KLHL32: variants seen among roughly 807,000 people sequenced by gnomAD.
The protein encoded by KLHL32 is kelch-like protein 32.
KLHL32 carries 35 observed loss-of-function variants against 64.8 expected under a neutral mutation model. That is an observed-to-expected ratio of 0.54 (90% confidence interval 0.41 to 0.72). KLHL32 has a LOEUF of 0.72. KLHL32 is among the 30% of genes least tolerant of loss of function. KLHL32 has a pLI of 0.00. For missense variants in KLHL32, 589 were observed against 768.5 expected, an observed-to-expected ratio of 0.77 and a Z score of 2.76; for synonymous variants, 259 against 281.0, an observed-to-expected ratio of 0.92 and a Z score of 0.78.
intron 3 of KLHL32, among the ~76,000 whole-genome samples, chr6:97,039,514 T>C (rs1378152794): frequency 6.9e-6 from 1 of 145,580 alleles, no homozygotes; most frequent in African/African-American, 2.7e-5. Context: ...AGTAATCTAT[T>C]GTACACTTGA....
chr6:97,113,713 C>T, intron 6 of KLHL32, 70 bp from the exon 7 acceptor site: 2 of 1,547,262 alleles, frequency 1.3e-6, no homozygotes, highest in Non-Finnish European at 1.8e-6. Flanking sequence ...GGTAACCTAC[C>T]TATATGCTGT....
chr6:96,953,104 T>C (rs1469633160), intron 1 of KLHL32, among the ~76,000 whole-genome samples: 1 of 152,158 alleles, frequency 6.6e-6, no homozygotes, highest in African/African-American at 2.4e-5. Context: ...TTAAACTCTT[T>C]CTCTACCACA....
chr6:97,097,664 A>T (rs1358593060), intron 6 of KLHL32, among the ~76,000 whole-genome samples: 1 of 152,092 alleles, frequency 6.6e-6, no homozygotes, highest in Non-Finnish European at 1.5e-5. Flanking sequence ...ATGGAGCTCA[A>T]AGGCACAACA....
the KLHL32 span, among the ~76,000 whole-genome samples, chr6:96,913,012 A>G: frequency 1.3e-5 from 2 of 152,232 alleles, no homozygotes; most frequent in Non-Finnish European, 2.9e-5. Context: ...ATATAGATGC[A>G]AAATTATTTC....
intron 3 of KLHL32, among the ~76,000 whole-genome samples, chr6:96,991,055 AG>A (rs1182613558): frequency 1.3e-5 from 2 of 151,958 alleles, no homozygotes; most frequent in Admixed American, 6.5e-5. Flanking sequence ...GGTGAAGCGC[AG>A]GGGGTCAAGG....
intron 3 of KLHL32, among the ~76,000 whole-genome samples, chr6:96,987,647 C>G (rs1777280980): frequency 6.6e-6 from 1 of 152,174 alleles, no homozygotes; most frequent in Non-Finnish European, 1.5e-5. Context: ...ATTGCCAAAA[C>G]AATCCTAAGC....
chr6:97,137,084 G>A (rs961230390), intron 10 of KLHL32, among the ~76,000 whole-genome samples: 3 of 152,082 alleles, frequency 2.0e-5, no homozygotes, highest in Non-Finnish European at 4.4e-5. Context: ...AATACTAAAT[G>A]ACCTCTGATT....
rs1424927325 is a variant in KLHL32, at chr6:97,114,273, C to G, written c.1118C>G (p.Pro373Arg). The part of the protein sequence containing the change: ...CAVRTACRYD[P>R]RSNSWAEIAP... Reference sequence around the variant, plus strand: ...GTGAGGACTGCCTGTCGCTATGACCCCCGCAGTAATTCCTGGGCAGAGATA... The same window carrying G: ...GTGAGGACTGCCTGTCGCTATGACCGCCGCAGTAATTCCTGGGCAGAGATA... The change falls in exon 7 of 11, where the codon CCC becomes CGC. Residue 373 changes from proline (P) to arginine (R), a missense_variant. Pro to Arg is a moderately radical substitution (Grantham distance 103). Around this residue, in one of 3 missense-constraint regions of KLHL32, gnomAD observed 226 missense variants for 353.2 expected, o/e 0.64. Transcript: ENST00000369261. 3 of 1,614,014 alleles carry G rather than the reference C, an allele frequency of 1.9e-6. No individual in the cohort carries two copies. The highest frequency in any genetic ancestry group is 2.5e-6 in the Non-Finnish European group (3 of 1,180,042).
rs924314464 is a variant in KLHL32 at position 97,092,650 on chromosome 6, A to G, written c.627+7309A>G. Among the ~76,000 whole-genome samples the G allele has an allele frequency of 3.9e-5, 6 of 152,308 alleles. No individual in the cohort carries two copies. In the South Asian group the frequency reaches 1.2e-3, roughly 32 times the overall value. ...TAGCTGGACACAGAGTAACACTGCT[A>G]TTTCAGGGATTGGTGCTCCTAGTTG... is the stretch of plus-strand genomic sequence containing the variant. On this transcript the variant is annotated intron_variant, in intron 6 of 10. Transcript: ENST00000369261.
In KLHL32 at chr6:97,118,932, G is replaced by T. The variant is rs79869996; in HGVS notation, c.1354+4423G>T. On this transcript the variant is annotated intron_variant, in intron 7 of 10. Transcript: ENST00000369261. ...AAGCAGGGAGTGACTATTGCAGAAGGCAGGAAAGGTAGCACCTAAAATAAT... is the reference window on the plus strand; with the variant it reads ...AAGCAGGGAGTGACTATTGCAGAAGTCAGGAAAGGTAGCACCTAAAATAAT... 2.7e-4 allele frequency among the ~76,000 whole-genome samples: 41 copies of T among 152,290 alleles called. 2 individuals are homozygous for T. The East Asian group carries it at 7.9e-3, about 29-fold the overall frequency.
chr6:96,996,284 A>G (rs756764204), intron 3 of KLHL32, among the ~76,000 whole-genome samples: 14 of 152,230 alleles, frequency 9.2e-5, no homozygotes, highest in Non-Finnish European at 1.9e-4. Context: ...ATTTTGGAAA[A>G]TTAAATATTT....
At chr6:97,119,467 C>T (rs1798142219) in intron 7 of KLHL32, among the ~76,000 whole-genome samples, 1 of 152,088 alleles carries the variant, frequency 6.6e-6, no homozygotes, top group Admixed American at 6.6e-5. Flanking sequence ...GGAAACACTA[C>T]AGGGATATCA....
At chr6:96,962,404 A>G (rs943386152) in intron 1 of KLHL32, among the ~76,000 whole-genome samples, 1 of 152,142 alleles carries the variant, frequency 6.6e-6, no homozygotes. Context: ...ATTTTAAGAA[A>G]TTTTTGCTGT....
At chr6:97,042,772 C>A (rs1340080398) in intron 4 of KLHL32, among the ~76,000 whole-genome samples, 1 of 152,152 alleles carries the variant, frequency 6.6e-6, no homozygotes, top group African/African-American at 2.4e-5. Context: ...ACCCTTTGAT[C>A]AACATCTCCC....
rs534504323 is a variant in KLHL32 at position 97,123,190 on chromosome 6, T to C, written c.1355-4214T>C. Among the ~76,000 whole-genome samples the C allele has an allele frequency of 5.3e-4, 80 of 152,330 alleles. 1 individual carries two copies. The highest frequency in any genetic ancestry group is 9.3e-4 in the Non-Finnish European group (63 of 68,036). On this transcript the variant is annotated intron_variant, in intron 7 of 10. Transcript: ENST00000369261. ...CCATGTACAATGAGAGCAGTTTTTC[T>C]ACACACTCTATTTTATGAGCACTGC... is the stretch of plus-strand genomic sequence containing the variant.
intron 5 of KLHL32, among the ~76,000 whole-genome samples, chr6:97,070,542 C>T (rs1056659274): frequency 6.6e-6 from 1 of 152,124 alleles, no homozygotes; most frequent in Admixed American, 6.5e-5. Flanking sequence ...GGCACACTGG[C>T]TGGCCAGGGA....
chr6:97,034,343 T>C (rs1784000663), intron 3 of KLHL32, among the ~76,000 whole-genome samples: 1 of 152,010 alleles, frequency 6.6e-6, no homozygotes, highest in East Asian at 1.9e-4. Flanking sequence ...ATGGATTTAT[T>C]TCTGGGATAT....
chr6:97,104,876 A>C (rs969293539), intron 6 of KLHL32, among the ~76,000 whole-genome samples: 11 of 152,172 alleles, frequency 7.2e-5, no homozygotes, highest in Admixed American at 5.9e-4. Context: ...TTTTGAACTG[A>C]AACTTTTCAT....
chr6:97,025,194 T>C, intron 3 of KLHL32: 1 of 862,658 alleles, frequency 1.2e-6, no homozygotes, highest in Non-Finnish European at 1.4e-6. Flanking sequence ...ATGATTCTGT[T>C]TATCGTCTTT....
Sources: gnomAD v4.1 joint callset for allele counts (sites outside exome capture counted in the v4.1 genomes callset) on GRCh38, gnomAD v4.1.1 for gene constraint, gnomAD v4.1.1 regional missense constraint, MANE v1.5 for transcripts, NCBI Gene and HGNC (gene_info 2026-07-23, HGNC 2026-07-21) for gene names.